Variants in IL7 observed in about 807,000 individuals in gnomAD.
IL7 encodes the protein interleukin-7.
Under a neutral mutation model 21.6 loss-of-function variants are expected in IL7, and 3 were observed. The ratio of observed to expected loss-of-function variants is 0.14; its 90% confidence interval spans 0.06 to 0.36. The LOEUF (loss-of-function observed/expected upper bound fraction) is 0.36, where lower values mean the gene tolerates loss of function less well. IL7 is among the 10% of genes least tolerant of loss of function. The pLI is 1.00. For synonymous variants in IL7, 62 were observed against 68.1 expected (o/e 0.91, Z 0.44); for missense variants, 175 against 200.2 (o/e 0.87, Z 0.76).
chr8:78,686,656 T>C (rs1809984927), intron 3 of IL7: 2 of 1,406,900 alleles, frequency 1.4e-6, no homozygotes, highest in Admixed American at 2.7e-5. Flanking sequence ...AAGAAAATAA[T>C]GATAGAGTTT....
At chr8:78,789,973 T>C (rs1813631983) in intron 2 of IL7, among the ~76,000 whole-genome samples, 1 of 152,114 alleles carries the variant, frequency 6.6e-6, no homozygotes, top group Admixed American at 6.6e-5. Flanking sequence ...CTACTAGATA[T>C]TTGAATTAAA....
intron 2 of IL7, among the ~76,000 whole-genome samples, chr8:78,776,318 G>A (rs1337122116): frequency 6.6e-6 from 1 of 152,094 alleles, no homozygotes; most frequent in African/African-American, 2.4e-5. Context: ...TCACCCCTTG[G>A]ATGGGATAGA....
At chr8:78,786,169 T>A (rs1249874651) in intron 2 of IL7, among the ~76,000 whole-genome samples, 1 of 152,180 alleles carries the variant, frequency 6.6e-6, no homozygotes, top group Non-Finnish European at 1.5e-5. Context: ...GATTTCATCA[T>A]CGCACAAACA....
At chr8:78,722,541 TTAAC>T (rs564079073) in intron 3 of IL7, among the ~76,000 whole-genome samples, 92 of 152,084 alleles carry the variant, frequency 6.0e-4, no homozygotes, top group Middle Eastern at 3.4e-3. Context: ...TGTGTGATCT[TTAAC>T]TAAGAAAACT....
chr8:78,800,652 T>C lies in IL7; in HGVS notation c.11-2444A>G, dbSNP rs112044321. 3.4e-3 allele frequency among the ~76,000 whole-genome samples: 525 copies of C among 152,340 alleles called. 3 individuals carry two copies. Among genetic ancestry groups the C allele is most frequent in the African/African-American group, 0.012 (491 of 41,574 alleles). On this transcript the variant is annotated intron_variant, in intron 1 of 5. Coordinates refer to ENST00000263851, the MANE Select transcript of IL7 (RefSeq NM_000880.4). The stretch of plus-strand genomic sequence containing the variant: ...GCTGATGGACATTTGGATGATCAAT[T>C]GCTAATTATTCACCAGATTCTGACC...
In IL7 at chr8:78,678,616, T is replaced by C. The variant is rs151313589; in HGVS notation, n.274-2512A>G. On this transcript the variant is annotated intron_variant and non_coding_transcript_variant, in intron 4 of 4. Coordinates refer to the IL7 transcript ENST00000523959. ...CTGCAACTAAAAAACGGAAGACTTT[T>C]GATTCAAGCAGACAGAGAGCTGAAG... 5,539 of 1,612,704 alleles carry C rather than the reference T, an allele frequency of 3.4e-3. 16 individuals carry two copies. The highest frequency in any genetic ancestry group is 4.0e-3 in the Non-Finnish European group (4,670 of 1,179,378).
intron 2 of IL7, among the ~76,000 whole-genome samples, chr8:78,744,408 C>T (rs997946462): frequency 6.6e-6 from 1 of 152,130 alleles, no homozygotes; most frequent in African/African-American, 2.4e-5. Flanking sequence ...ATCCCTTCTG[C>T]CCGATCGGTT....
intron 2 of IL7, among the ~76,000 whole-genome samples, chr8:78,769,985 T>G (rs1041869195): frequency 6.6e-6 from 1 of 152,088 alleles, no homozygotes; most frequent in Non-Finnish European, 1.5e-5. Flanking sequence ...TAGCCATATG[T>G]AGAAAGCTGA....
rs552775881 is a variant in IL7, at chr8:78,791,320, T to C, written c.147+6752A>G. ...AATAAGGGAATTATGAATGGAAAGA[T>C]GTTTTAAACAGATAGGACAATTACA... On this transcript the variant is annotated intron_variant, in intron 2 of 5. Coordinates refer to ENST00000263851, the MANE Select transcript of IL7 (RefSeq NM_000880.4). Among the ~76,000 whole-genome samples the C allele has an allele frequency of 2.2e-3, 333 of 152,248 alleles. 2 individuals are homozygous for C. The highest frequency in any genetic ancestry group is 7.3e-3 in the African/African-American group (304 of 41,574).
intron 2 of IL7, chr8:78,747,194 T>G: frequency 2.7e-6 from 1 of 364,478 alleles, no homozygotes; most frequent in Non-Finnish European, 5.2e-6. Flanking sequence ...ATTGCTTTTT[T>G]TTTTTTTTTT....
At chr8:78,763,081 G>C (rs1563425586) in intron 2 of IL7, among the ~76,000 whole-genome samples, 1 of 152,190 alleles carries the variant, frequency 6.6e-6, no homozygotes, top group African/African-American at 2.4e-5. Context: ...CTGGTTGTTA[G>C]TGAAAATTAT....
chr8:78,770,067 A>G (rs1344780575), intron 2 of IL7, among the ~76,000 whole-genome samples: 1 of 152,220 alleles, frequency 6.6e-6, no homozygotes, highest in Admixed American at 6.5e-5. Flanking sequence ...TGTTAGGCCT[A>G]AAACCATAAA....
intron 2 of IL7, among the ~76,000 whole-genome samples, chr8:78,785,722 G>A (rs192983199): frequency 5.7e-4 from 87 of 152,120 alleles, no homozygotes; most frequent in Non-Finnish European, 7.8e-4. Context: ...TTTCTGTATC[G>A]TTGTATGTTA....
intron 2 of IL7, among the ~76,000 whole-genome samples, chr8:78,769,220 A>G (rs1313564691): frequency 6.6e-6 from 1 of 151,838 alleles, no homozygotes; most frequent in African/African-American, 2.4e-5. Flanking sequence ...AGGGTATTCA[A>G]TTAGGAAAAG....
intron 1 of IL7, among the ~76,000 whole-genome samples, chr8:78,800,130 C>G (rs61549623): frequency 0.012 from 1,873 of 152,290 alleles, 37 homozygotes; most frequent in African/African-American, 0.042. Flanking sequence ...GTATGTCCAT[C>G]TGTACCACTG....
intron 4 of IL7, among the ~76,000 whole-genome samples, chr8:78,679,986 A>C (rs1585983686): frequency 6.6e-6 from 1 of 152,262 alleles, no homozygotes; most frequent in Middle Eastern, 3.4e-3. Flanking sequence ...TGGGTGTTAA[A>C]ATTGGCTCAA....
chr8:78,743,661 C>G (rs1013737933), intron 2 of IL7, among the ~76,000 whole-genome samples: 5 of 152,144 alleles, frequency 3.3e-5, no homozygotes, highest in Non-Finnish European at 5.9e-5. Flanking sequence ...ATTTTGAACC[C>G]TTGCTGGAGA....
intron 2 of IL7, among the ~76,000 whole-genome samples, chr8:78,774,540 C>T (rs1432928592): frequency 1.3e-5 from 2 of 152,010 alleles, no homozygotes; most frequent in Non-Finnish European, 2.9e-5. Flanking sequence ...TTTCCCAGTC[C>T]TTCCTATGAC....
chr8:78,804,730 A>G (rs1814247349), intron 1 of IL7, among the ~76,000 whole-genome samples, 183 bp downstream of exon 1: 1 of 152,190 alleles, frequency 6.6e-6, no homozygotes, highest in Admixed American at 6.5e-5. Context: ...TCAAGTGGCT[A>G]TGTGCCAGGA....
Sources: allele counts gnomAD v4.1 joint callset (sites outside exome capture counted in the v4.1 genomes callset), GRCh38; gene constraint gnomAD v4.1.1; transcripts MANE v1.5; gene names NCBI Gene and HGNC (gene_info 2026-07-23, HGNC 2026-07-21).